Variants in RPH3A observed in about 807,000 individuals in gnomAD.
RPH3A encodes the protein rabphilin-3A.
RPH3A carries 48 observed loss-of-function variants against 102.2 expected under a neutral mutation model. The ratio of observed to expected loss-of-function variants is 0.47; its 90% CI spans 0.37 to 0.60. The LOEUF is 0.60. Among genes scored for constraint, RPH3A ranks in the 20% least tolerant of loss-of-function variants. The pLI is 0.00. For synonymous variants in RPH3A, 310 were observed against 324.3 expected (o/e 0.96, Z 0.47); for missense variants, 781 against 910.1 (o/e 0.86, Z 1.83).
At chr12:112,679,618 G>A (rs1406115621) in intron 1 of RPH3A, among the ~76,000 whole-genome samples, 1 of 152,148 alleles carries the variant, frequency 6.6e-6, no homozygotes, top group Admixed American at 6.5e-5. Context: ...TATAAATGGG[G>A]TTTCACCATT....
intron 1 of RPH3A, among the ~76,000 whole-genome samples, chr12:112,605,091 C>A (rs1002422572): frequency 1.3e-5 from 2 of 152,126 alleles, no homozygotes; most frequent in East Asian, 3.9e-4. Flanking sequence ...CCACCACACT[C>A]AGGACAGGTG....
chr12:112,721,852 C>T (rs1312074900), intron 1 of RPH3A, among the ~76,000 whole-genome samples: 2 of 152,148 alleles, frequency 1.3e-5, no homozygotes, highest in Non-Finnish European at 2.9e-5. Flanking sequence ...GCTTTTAATA[C>T]TTCTTATCCA....
intron 1 of RPH3A, among the ~76,000 whole-genome samples, chr12:112,593,403 A>T (rs927808796): frequency 3.9e-5 from 6 of 152,142 alleles, no homozygotes; most frequent in Non-Finnish European, 7.3e-5. Flanking sequence ...GGGAGGAGTA[A>T]ACTTTTGTTG....
At chr12:112,846,845 C>A (rs970018632) in intron 4 of RPH3A, among the ~76,000 whole-genome samples, 1 of 152,220 alleles carries the variant, frequency 6.6e-6, no homozygotes, top group Non-Finnish European at 1.5e-5. Flanking sequence ...TGAACCATTG[C>A]CGGGGCCACA....
chr12:112,590,552 C>G (rs563913420), intron 1 of RPH3A, among the ~76,000 whole-genome samples: 1 of 152,202 alleles, frequency 6.6e-6, no homozygotes, highest in East Asian at 1.9e-4. Context: ...GGAAATGGCT[C>G]ATGGGGTGAC....
chr12:112,610,652 G>T (rs370582801), intron 1 of RPH3A, among the ~76,000 whole-genome samples: 2 of 151,644 alleles, frequency 1.3e-5, no homozygotes, highest in Admixed American at 6.6e-5. Flanking sequence ...TTATTTTTGA[G>T]ATGGAGTGTC....
At chr12:112,603,740 T>C (rs1181090043) in intron 1 of RPH3A, among the ~76,000 whole-genome samples, 1 of 152,196 alleles carries the variant, frequency 6.6e-6, no homozygotes, top group Non-Finnish European at 1.5e-5. Context: ...CATAAACATC[T>C]ACATGCTAGA....
chr12:112,670,902 C>T (rs1047280213), intron 1 of RPH3A, among the ~76,000 whole-genome samples: 1 of 152,156 alleles, frequency 6.6e-6, no homozygotes, highest in African/African-American at 2.4e-5. Context: ...GAAAACAAAC[C>T]TCACCTGTTG....
chr12:112,591,323 C>A (rs111340670), intron 1 of RPH3A, among the ~76,000 whole-genome samples: 1 of 151,198 alleles, frequency 6.6e-6, no homozygotes, highest in Admixed American at 6.6e-5. Flanking sequence ...TGGCCTCAAG[C>A]GATCCTCCCA....
At chr12:112,873,910 T>C (rs1452597331) in intron 10 of RPH3A, 1 of 152,244 alleles carries the variant, frequency 6.6e-6, no homozygotes. Context: ...TTGTTCATCT[T>C]AGCACAGGGA....
chr12:112,612,516 G>C (rs1312562588), intron 1 of RPH3A, among the ~76,000 whole-genome samples: 2 of 151,382 alleles, frequency 1.3e-5, no homozygotes, highest in East Asian at 3.9e-4. Context: ...GGGCCCTAGA[G>C]GATCCTAGGA....
intron 1 of RPH3A, among the ~76,000 whole-genome samples, chr12:112,708,522 C>T (rs999335163): frequency 8.5e-5 from 13 of 152,114 alleles, no homozygotes; most frequent in African/African-American, 3.1e-4. Context: ...CTCAGCAAAG[C>T]GTTAGGACCA....
intron 1 of RPH3A, among the ~76,000 whole-genome samples, chr12:112,781,920 G>T (rs745528252): frequency 6.6e-6 from 1 of 152,208 alleles, no homozygotes; most frequent in Non-Finnish European, 1.5e-5. Flanking sequence ...CTTAGTTACT[G>T]ACATATTCCA....
intron 5 of RPH3A, among the ~76,000 whole-genome samples, chr12:112,856,446 A>G (rs1593088198): frequency 6.6e-6 from 1 of 151,870 alleles, no homozygotes; most frequent in African/African-American, 2.4e-5. Flanking sequence ...TGCATGTAAA[A>G]GTGTATTCTT....
chr12:112,711,395 A>C (rs1270594674), intron 1 of RPH3A, among the ~76,000 whole-genome samples: 1 of 152,130 alleles, frequency 6.6e-6, no homozygotes, highest in African/African-American at 2.4e-5. Context: ...AGCCTTGAGA[A>C]GAAAAAAAAA....
At chr12:112,666,499 C>T (rs2040084231) in intron 1 of RPH3A, among the ~76,000 whole-genome samples, 1 of 152,152 alleles carries the variant, frequency 6.6e-6, no homozygotes, top group African/African-American at 2.4e-5. Flanking sequence ...TACAATCCAG[C>T]TGAGCAGTTG....
chr12:112,762,121 A>G (rs746828135), intron 1 of RPH3A, among the ~76,000 whole-genome samples: 4 of 152,218 alleles, frequency 2.6e-5, no homozygotes, highest in African/African-American at 7.2e-5. Context: ...TTCAATAAGT[A>G]TTCACTATAT....
chr12:112,629,564 C>A (rs2039789744), intron 1 of RPH3A, among the ~76,000 whole-genome samples: 1 of 149,734 alleles, frequency 6.7e-6, no homozygotes, highest in South Asian at 2.1e-4. Flanking sequence ...GCAGCCTCGA[C>A]CTCCTGGGCT....
chr12:112,673,391 C>T (rs1220051514), intron 1 of RPH3A, among the ~76,000 whole-genome samples: 1 of 152,068 alleles, frequency 6.6e-6, no homozygotes, highest in Non-Finnish European at 1.5e-5. Flanking sequence ...TATACAGTGG[C>T]ATGAACATGG....
Sources: gnomAD v4.1 joint callset for allele counts (sites outside exome capture counted in the v4.1 genomes callset) on GRCh38, gnomAD v4.1.1 for gene constraint, MANE v1.5 for transcripts, NCBI Gene and HGNC (gene_info 2026-07-23, HGNC 2026-07-21) for gene names.